The following GRXCR1 variants were observed in gnomAD, a reference collection of about 807,000 sequenced individuals.
The protein encoded by GRXCR1 is glutaredoxin domain-containing cysteine-rich protein 1.
In GRXCR1, 27 loss-of-function variants were observed where a neutral mutation model predicts 27.3. That is an observed-to-expected ratio of 0.99 (90% CI 0.73 to 1.37). The LOEUF (loss-of-function observed/expected upper bound fraction) is 1.37. GRXCR1 is among the 40% of genes most tolerant of loss of function. The pLI is 0.00. For synonymous variants in GRXCR1, 122 were observed against 131.1 expected (o/e 0.93, Z 0.47); for missense variants, 379 against 354.4 (o/e 1.07, Z -0.56).
intron 2 of GRXCR1, among the ~76,000 whole-genome samples, chr4:42,995,637 T>C (rs1712131087): frequency 1.3e-5 from 2 of 152,196 alleles, no homozygotes; most frequent in Admixed American, 6.5e-5. Flanking sequence ...CAAATCTTAT[T>C]AAAATGCCAA....
intron 2 of GRXCR1, among the ~76,000 whole-genome samples, chr4:42,980,404 T>C (rs1022421994): frequency 6.6e-6 from 1 of 151,968 alleles, no homozygotes; most frequent in African/African-American, 2.4e-5. Flanking sequence ...CAACCGTTGA[T>C]TTTTCAGGAA....
At chr4:42,932,657 GAGAGAGA>G (rs1233103963) in intron 1 of GRXCR1, among the ~76,000 whole-genome samples, 70 of 129,914 alleles carry the variant, frequency 5.4e-4, no homozygotes, top group African/African-American at 9.8e-4. Flanking sequence ...GAGAGAGAGA[GAGAGAGA>G]GGCAATCTGT....
rs141325793 is a variant in GRXCR1 at position 42,928,309 on chromosome 4, A to G, written c.385-34583A>G. 5.5e-3 allele frequency among the ~76,000 whole-genome samples: 842 copies of G among 152,112 alleles called. 10 individuals are homozygous for G. The highest frequency in any genetic ancestry group is 0.019 in the African/African-American group (795 of 41,546). ...GTTTTAGAAGTTGGAATTCACTACA[A>G]TAAGTATAAAGAATACCCATCCAGC... On this transcript the variant is annotated intron_variant, in intron 1 of 3. Coordinates refer to ENST00000399770, the MANE Select transcript of GRXCR1 (RefSeq NM_001080476.3).
chr4:42,917,244 T>C (rs185227885), intron 1 of GRXCR1, among the ~76,000 whole-genome samples: 138 of 152,282 alleles, frequency 9.1e-4, no homozygotes, highest in Middle Eastern at 3.4e-3. Context: ...ATTTTATTGC[T>C]GAAAGTAGAA....
chr4:42,904,978 A>C (rs1227483071), intron 1 of GRXCR1, among the ~76,000 whole-genome samples: 1 of 152,154 alleles, frequency 6.6e-6, no homozygotes, highest in East Asian at 1.9e-4. Flanking sequence ...GCTGTGTGGG[A>C]AGTCCTGGGC....
chr4:43,029,348 C>G (rs1713351184), intron 3 of GRXCR1, among the ~76,000 whole-genome samples: 1 of 151,982 alleles, frequency 6.6e-6, no homozygotes, highest in African/African-American at 2.4e-5. Context: ...GTGTGTGTAT[C>G]CACATTTCCT....
intron 3 of GRXCR1, among the ~76,000 whole-genome samples, chr4:43,024,179 T>C (rs1713180794): frequency 7.0e-6 from 1 of 143,540 alleles, no homozygotes; most frequent in East Asian, 2.2e-4. Flanking sequence ...ATTGCCAACA[T>C]AGTGTCCATT....
At chr4:42,966,846 G>T (rs1205022963) in intron 2 of GRXCR1, among the ~76,000 whole-genome samples, 1 of 151,884 alleles carries the variant, frequency 6.6e-6, no homozygotes, top group Non-Finnish European at 1.5e-5. Context: ...ATCTTATTTG[G>T]TTAGGTGTCT....
At chr4:42,945,836 A>G (rs1226062174) in intron 1 of GRXCR1, among the ~76,000 whole-genome samples, 2 of 152,154 alleles carry the variant, frequency 1.3e-5, no homozygotes, top group Non-Finnish European at 2.9e-5. Flanking sequence ...TCTCACAAAT[A>G]CATGTTTTTG....
chr4:42,925,630 T>A (rs1747141380), intron 1 of GRXCR1, among the ~76,000 whole-genome samples: 1 of 152,032 alleles, frequency 6.6e-6, no homozygotes, highest in Non-Finnish European at 1.5e-5. Context: ...TAAATTCATG[T>A]AAAAATGTTG....
chr4:43,001,121 G>C (rs1194984091), intron 2 of GRXCR1, among the ~76,000 whole-genome samples: 1 of 149,864 alleles, frequency 6.7e-6, no homozygotes, highest in South Asian at 2.1e-4. Context: ...TTTTTGGAGA[G>C]ACAAGGTTTC....
At chr4:42,921,995 A>G (rs1383864444) in intron 1 of GRXCR1, among the ~76,000 whole-genome samples, 1 of 152,160 alleles carries the variant, frequency 6.6e-6, no homozygotes, top group Non-Finnish European at 1.5e-5. Context: ...GTTGGTGGCC[A>G]CAGATTTCTC....
chr4:42,979,332 G>C (rs1488678802), intron 2 of GRXCR1, among the ~76,000 whole-genome samples: 20 of 151,940 alleles, frequency 1.3e-4, no homozygotes, highest in Admixed American at 1.3e-3. Context: ...GTGATATACG[G>C]CCTTTAGTGT....
At chr4:43,010,727 A>T (rs1018121375) in intron 2 of GRXCR1, among the ~76,000 whole-genome samples, 1 of 152,172 alleles carries the variant, frequency 6.6e-6, no homozygotes, top group African/African-American at 2.4e-5. Flanking sequence ...TCGCTTATTT[A>T]AAAAAGATTT....
intron 2 of GRXCR1, among the ~76,000 whole-genome samples, chr4:42,984,750 A>G (rs1276111329): frequency 6.6e-6 from 1 of 152,214 alleles, no homozygotes; most frequent in Admixed American, 6.5e-5. Context: ...AGAACTGCTG[A>G]GGCCTGCCTG....
chr4:42,991,017 T>C (rs2109791000), intron 2 of GRXCR1, among the ~76,000 whole-genome samples: 1 of 152,276 alleles, frequency 6.6e-6, no homozygotes, highest in Middle Eastern at 3.4e-3. Flanking sequence ...AGAGATATAT[T>C]TGTGGAAGGT....
At chr4:42,991,860 G>A (rs1320879038) in intron 2 of GRXCR1, among the ~76,000 whole-genome samples, 2 of 152,078 alleles carry the variant, frequency 1.3e-5, no homozygotes, top group Non-Finnish European at 2.9e-5. Flanking sequence ...CATCGAGAAT[G>A]CTGCACAGAG....
chr4:42,957,442 G>A (rs74376577), intron 1 of GRXCR1, among the ~76,000 whole-genome samples: 1 of 151,864 alleles, frequency 6.6e-6, no homozygotes, highest in East Asian at 1.9e-4. Flanking sequence ...CTGTTATTTT[G>A]TACTCTAATA....
chr4:42,921,012 T>A (rs776888243), intron 1 of GRXCR1, among the ~76,000 whole-genome samples: 6 of 152,120 alleles, frequency 3.9e-5, no homozygotes, highest in Non-Finnish European at 5.9e-5. Context: ...AGTACCTACA[T>A]CCACTTTTTA....
Sources: allele counts gnomAD v4.1 joint callset (sites outside exome capture counted in the v4.1 genomes callset), GRCh38; gene constraint gnomAD v4.1.1; transcripts MANE v1.5; gene names NCBI Gene and HGNC (gene_info 2026-07-23, HGNC 2026-07-21).